PTPRK: variants seen among roughly 807,000 people sequenced by gnomAD.
PTPRK encodes receptor-type tyrosine-protein phosphatase kappa.
A neutral mutation model predicts 178.0 loss-of-function variants in PTPRK; 75 were observed. The ratio of observed to expected loss-of-function variants is 0.42; its 90% CI spans 0.35 to 0.51. The LOEUF is 0.51. Among genes scored for constraint, PTPRK ranks in the 20% least tolerant of loss-of-function variants. The probability of loss-of-function intolerance (pLI) is 0.02; values close to 1 mark genes in which losing one functional copy is unlikely to be tolerated. For synonymous variants in PTPRK, 637 were observed against 620.6 expected (o/e 1.03, Z -0.39); for missense variants, 1,441 against 1,797.8 (o/e 0.80, Z 3.59).
chr6:128,245,347 T>C (rs374419209), intron 3 of PTPRK, among the ~76,000 whole-genome samples: 4 of 152,308 alleles, frequency 2.6e-5, no homozygotes. Flanking sequence ...AAGTAAATTT[T>C]AAATTTAAAA....
At chr6:128,175,733 C>T (rs1034815800) in intron 7 of PTPRK, among the ~76,000 whole-genome samples, 1 of 151,564 alleles carries the variant, frequency 6.6e-6, no homozygotes, top group African/African-American at 2.4e-5. Context: ...ATTCTAGTTG[C>T]AACATTTGAT....
chr6:128,039,282 A>C (rs1428438482), intron 13 of PTPRK, among the ~76,000 whole-genome samples: 1 of 152,186 alleles, frequency 6.6e-6, no homozygotes, highest in African/African-American at 2.4e-5. Context: ...AGTCCAAGAC[A>C]CTATTTTAAG....
chr6:128,301,283 T>G (rs1470622917), intron 3 of PTPRK, among the ~76,000 whole-genome samples: 1 of 152,180 alleles, frequency 6.6e-6, no homozygotes, highest in Non-Finnish European at 1.5e-5. Context: ...ATGTTTTTAC[T>G]CATACATTAT....
At chr6:128,357,808 T>C (rs1261337206) in intron 2 of PTPRK, among the ~76,000 whole-genome samples, 1 of 152,244 alleles carries the variant, frequency 6.6e-6, no homozygotes, top group African/African-American at 2.4e-5. Flanking sequence ...ACTATTTATT[T>C]ATAAAATCTC....
intron 3 of PTPRK, among the ~76,000 whole-genome samples, chr6:128,275,413 G>A (rs926048947): frequency 2.6e-5 from 4 of 151,734 alleles, no homozygotes; most frequent in East Asian, 1.9e-4. Context: ...ATAACCAACC[G>A]GCAAACTCCA....
At chr6:128,122,574 G>C (rs966224402) in intron 7 of PTPRK, among the ~76,000 whole-genome samples, 6 of 152,064 alleles carry the variant, frequency 3.9e-5, no homozygotes, top group Non-Finnish European at 8.8e-5. Flanking sequence ...CAGAATTTCT[G>C]CAAATGTTTG....
At chr6:128,312,691 C>T (rs935113483) in intron 3 of PTPRK, among the ~76,000 whole-genome samples, 1 of 151,866 alleles carries the variant, frequency 6.6e-6, no homozygotes, top group Non-Finnish European at 1.5e-5. Flanking sequence ...TAAAAATTAT[C>T]GATGTATACG....
intron 13 of PTPRK, among the ~76,000 whole-genome samples, chr6:128,037,032 C>A (rs1488068520): frequency 6.6e-6 from 1 of 152,054 alleles, no homozygotes; most frequent in Non-Finnish European, 1.5e-5. Context: ...GCTCCCCGCC[C>A]TCCCTAACTC....
At chr6:128,290,413 A>G (rs1251674588) in intron 3 of PTPRK, among the ~76,000 whole-genome samples, 1 of 152,148 alleles carries the variant, frequency 6.6e-6, no homozygotes, top group African/African-American at 2.4e-5. Flanking sequence ...GTCACAGACC[A>G]AAGCCATCAG....
At chr6:128,287,394 A>G (rs1822676484) in intron 3 of PTPRK, among the ~76,000 whole-genome samples, 1 of 152,148 alleles carries the variant, frequency 6.6e-6, no homozygotes, top group Admixed American at 6.6e-5. Context: ...CCTCTGTTTC[A>G]TGTATTCCAC....
At chr6:128,206,757 A>C (rs1209091766) in intron 6 of PTPRK, among the ~76,000 whole-genome samples, 1 of 152,152 alleles carries the variant, frequency 6.6e-6, no homozygotes, top group Non-Finnish European at 1.5e-5. Flanking sequence ...TGCTGTGACT[A>C]TTCCAGCCAC....
chr6:128,463,419 C>A (rs1584832722), intron 1 of PTPRK, among the ~76,000 whole-genome samples: 1 of 152,158 alleles, frequency 6.6e-6, no homozygotes, highest in Admixed American at 6.6e-5. Context: ...TCTGCTTACA[C>A]ATGTTGAATG....
At chr6:128,257,217 G>A (rs2128291917) in intron 3 of PTPRK, among the ~76,000 whole-genome samples, 1 of 148,002 alleles carries the variant, frequency 6.8e-6, no homozygotes. Flanking sequence ...GAGACAGAGA[G>A]AAACTCCATC....
intron 13 of PTPRK, among the ~76,000 whole-genome samples, chr6:128,030,562 G>A (rs989583302): frequency 3.3e-5 from 5 of 152,152 alleles, no homozygotes; most frequent in East Asian, 1.9e-4. Flanking sequence ...GTTTCTAGCT[G>A]TGCATCTTGA....
chr6:128,373,650 C>A (rs140649897), intron 2 of PTPRK, among the ~76,000 whole-genome samples: 245 of 152,190 alleles, frequency 1.6e-3, no homozygotes, highest in African/African-American at 5.6e-3. Flanking sequence ...TTTCATTATG[C>A]TAATACTAAC....
intron 13 of PTPRK, among the ~76,000 whole-genome samples, chr6:128,053,543 C>T (rs554199139): frequency 6.6e-6 from 1 of 152,208 alleles, no homozygotes. Flanking sequence ...GCTCTGATTT[C>T]CCAAGGTGGA....
chr6:127,995,628 T>C (rs1777065388), intron 17 of PTPRK, 90 bp from the exon 18 acceptor site: 2 of 763,428 alleles, frequency 2.6e-6, no homozygotes, highest in South Asian at 1.9e-5. Flanking sequence ...ATTCAGTGGT[T>C]GCCCATAGTC....
chr6:128,278,131 ATTTATTTAT>A (rs1287605146), intron 3 of PTPRK, among the ~76,000 whole-genome samples: 4 of 117,014 alleles, frequency 3.4e-5, no homozygotes, highest in Admixed American at 2.3e-4. Context: ...TTTTTTATTT[ATTTATTTAT>A]TTATTTATTT....
At chr6:128,011,104 A>G (rs566479141) in intron 13 of PTPRK, among the ~76,000 whole-genome samples, 34 of 151,454 alleles carry the variant, frequency 2.2e-4, no homozygotes, top group African/African-American at 7.7e-4. Flanking sequence ...AGTTGAATGA[A>G]AAAACCTAAA....
Sources: gnomAD v4.1 joint callset for allele counts (sites outside exome capture counted in the v4.1 genomes callset) on GRCh38, gnomAD v4.1.1 for gene constraint, MANE v1.5 for transcripts, NCBI Gene and HGNC (gene_info 2026-07-23, HGNC 2026-07-21) for gene names.